The following FANCL variants were observed in gnomAD, a reference collection of about 807,000 sequenced individuals.
FANCL encodes the protein FA complementation group L.
A neutral mutation model predicts 59.4 loss-of-function variants in FANCL; 69 were observed. The ratio of observed to expected loss-of-function variants is 1.16; its 90% CI spans 0.96 to 1.42. The LOEUF (loss-of-function observed/expected upper bound fraction) is 1.42, where lower values mean the gene tolerates loss of function less well. FANCL is among the 40% of genes most tolerant of loss of function. The probability of loss-of-function intolerance (pLI) is 0.00; values close to 1 mark genes in which losing one functional copy is unlikely to be tolerated. For missense variants in FANCL, 519 were observed against 447.2 expected (o/e 1.16, Z -1.45); for synonymous variants, 180 against 147.1 (o/e 1.22, Z -1.62).
intron 6 of FANCL, among the ~76,000 whole-genome samples, chr2:58,202,313 A>C (rs1690122936): frequency 6.6e-6 from 1 of 150,682 alleles, no homozygotes; most frequent in African/African-American, 2.4e-5. Flanking sequence ...TTACTAGGTA[A>C]ATGATTAATA....
intron 7 of FANCL, among the ~76,000 whole-genome samples, chr2:58,175,821 T>C (rs563988349): frequency 6.6e-6 from 1 of 151,650 alleles, no homozygotes; most frequent in African/African-American, 2.4e-5. Context: ...GGTATTCAAT[T>C]AGGAAAAGAG....
At position 58,220,669 on chromosome 2, in the gene FANCL, T is replaced by C. The variant is rs565678875; in HGVS notation, c.374+1273A>G. Among the ~76,000 whole-genome samples, 3 of 152,330 alleles carry C rather than the reference T, an allele frequency of 2.0e-5. No individual in the cohort carries two copies. The South Asian group carries it at 6.2e-4, about 32-fold the overall frequency. Reference sequence around the variant, plus strand: ...TTCTGCACTTAAGATATGTTCCTTGTTCTCTTTTAAATGGCGATTTGATTT... The same window carrying C: ...TTCTGCACTTAAGATATGTTCCTTGCTCTCTTTTAAATGGCGATTTGATTT... On this transcript the variant is annotated intron_variant, in intron 5 of 13. Coordinates refer to ENST00000233741, the MANE Select transcript of FANCL (RefSeq NM_018062.4).
intron 7 of FANCL, among the ~76,000 whole-genome samples, chr2:58,195,952 C>T (rs910924565): frequency 6.6e-6 from 1 of 152,042 alleles, no homozygotes; most frequent in African/African-American, 2.4e-5. Context: ...CACAAGGAAA[C>T]ATGGAAGGAT....
chr2:58,212,495 A>G (rs557792542), intron 5 of FANCL, among the ~76,000 whole-genome samples: 2 of 152,286 alleles, frequency 1.3e-5, no homozygotes, highest in Admixed American at 1.3e-4. Context: ...TGAGACTGAC[A>G]GGGGCCAAAA....
At chr2:58,161,881 A>C (rs1685234344) in intron 11 of FANCL, among the ~76,000 whole-genome samples, 1 of 151,948 alleles carries the variant, frequency 6.6e-6, no homozygotes, top group Non-Finnish European at 1.5e-5. Context: ...ATCAGGAAGA[A>C]TGTTTTATAA....
At chr2:58,193,075 C>G (rs1689092249) in intron 7 of FANCL, among the ~76,000 whole-genome samples, 1 of 151,850 alleles carries the variant, frequency 6.6e-6, no homozygotes, top group Non-Finnish European at 1.5e-5. Flanking sequence ...ATTAAGAAAT[C>G]ATTGCTACTT....
At chr2:58,173,263 T>A (rs183167080) in intron 7 of FANCL, among the ~76,000 whole-genome samples, 20 of 152,202 alleles carry the variant, frequency 1.3e-4, no homozygotes, top group African/African-American at 4.6e-4. Flanking sequence ...CAGGCCAACA[T>A]TCAGATTAAA....
chr2:58,199,549 A>G lies in FANCL; in HGVS notation c.472-887T>C, dbSNP rs897498671. ...AATAAAACAGTTTTTAGCAAGAAAA[A>G]CCTTTGAAAGATTGCTAAATACAAA... On this transcript the variant is annotated intron_variant, in intron 6 of 13. Coordinates refer to ENST00000233741, the MANE Select transcript of FANCL (RefSeq NM_018062.4). 2.6e-5 allele frequency among the ~76,000 whole-genome samples: 4 copies of G among 152,046 alleles called. No individual in the cohort carries two copies. In the East Asian group the frequency reaches 7.7e-4, roughly 29 times the overall value.
chr2:58,217,319 C>A (rs1030311792), intron 5 of FANCL, among the ~76,000 whole-genome samples: 1 of 148,498 alleles, frequency 6.7e-6, no homozygotes, highest in Non-Finnish European at 1.5e-5. Flanking sequence ...CATCTGTTCA[C>A]TGGGCAAAAA....
intron 7 of FANCL, among the ~76,000 whole-genome samples, chr2:58,183,484 G>T (rs534130437): frequency 1.3e-5 from 2 of 151,882 alleles, no homozygotes; most frequent in Admixed American, 1.3e-4. Flanking sequence ...GAAGAGGTCA[G>T]CATTTTGTAG....
At chr2:58,159,845 AAAAAT>A in intron 13 of FANCL, 45 bp from the exon 14 acceptor site, 3 of 1,608,240 alleles carry the variant, frequency 1.9e-6, no homozygotes, top group Non-Finnish European at 2.5e-6. Context: ...GGACACTCTA[AAAAAT>A]AAAATTGCTT....
intron 13 of FANCL, 58 bp from the exon 14 acceptor site, chr2:58,159,858 C>T (rs1573491623): frequency 1.9e-6 from 3 of 1,604,442 alleles, no homozygotes; most frequent in East Asian, 2.2e-5. Context: ...AATAAAATTG[C>T]TTTGTACTAG....
At chr2:58,220,244 C>T (rs544893936) in intron 5 of FANCL, among the ~76,000 whole-genome samples, 3 of 152,138 alleles carry the variant, frequency 2.0e-5, no homozygotes, top group East Asian at 3.9e-4. Context: ...ATCAGGGAGG[C>T]GGTAAGGAAA....
intron 7 of FANCL, among the ~76,000 whole-genome samples, chr2:58,187,902 T>G (rs989052028): frequency 3.3e-5 from 5 of 152,196 alleles, no homozygotes; most frequent in African/African-American, 1.2e-4. Context: ...TAATAGTGTC[T>G]TTCAAGAACA....
At chr2:58,173,780 A>G (rs1384750789) in intron 7 of FANCL, among the ~76,000 whole-genome samples, 2 of 152,188 alleles carry the variant, frequency 1.3e-5, no homozygotes, top group African/African-American at 4.8e-5. Flanking sequence ...AAACTCACAC[A>G]TAACAATATT....
chr2:58,177,466 T>A (rs1573587967), intron 7 of FANCL, among the ~76,000 whole-genome samples: 1 of 151,590 alleles, frequency 6.6e-6, no homozygotes, highest in Non-Finnish European at 1.5e-5. Context: ...AAAGGATGAG[T>A]TCATGTCCTT....
rs575428524 is a variant in FANCL, at chr2:58,213,961, CA to C, written c.374+7980del. ...TCCATATCGGAGCTGCCCTATGGGA[CA>C]ACTCTAGGGAGCATCATTCACACAG... is the stretch of plus-strand genomic sequence containing the variant. On this transcript the variant is annotated intron_variant, in intron 5 of 13. Coordinates refer to ENST00000233741, the MANE Select transcript of FANCL (RefSeq NM_018062.4). 1.1e-3 allele frequency among the ~76,000 whole-genome samples: 165 copies of C among 152,272 alleles called. 2 individuals carry two copies. Among genetic ancestry groups the C allele is most frequent in the African/African-American group, 3.6e-3 (151 of 41,548 alleles).
chr2:58,219,579 C>A (rs1013893168), intron 5 of FANCL, among the ~76,000 whole-genome samples: 1 of 151,890 alleles, frequency 6.6e-6, no homozygotes, highest in Admixed American at 6.6e-5. Context: ...ACCAGGTAAT[C>A]AAGATCAAGA....
chr2:58,222,116 A>G, intron 4 of FANCL, 74 bp from the exon 5 acceptor site: 2 of 1,041,790 alleles, frequency 1.9e-6, no homozygotes, highest in Non-Finnish European at 3.0e-6. Flanking sequence ...ATTGCAAAAC[A>G]TAATTTCATT....
Sources: gnomAD v4.1 joint callset for allele counts (sites outside exome capture counted in the v4.1 genomes callset) on GRCh38, gnomAD v4.1.1 for gene constraint, MANE v1.5 for transcripts, NCBI Gene and HGNC (gene_info 2026-07-23, HGNC 2026-07-21) for gene names.